LRRC49: variants seen among roughly 807,000 people sequenced by gnomAD.
The protein encoded by LRRC49 is leucine rich repeat containing 49.
Under a neutral mutation model 83.3 loss-of-function variants are expected in LRRC49, and 50 were observed. The ratio of observed to expected loss-of-function variants is 0.60; its 90% CI spans 0.48 to 0.76. The LOEUF is 0.76. LRRC49 is among the 30% of genes least tolerant of loss of function. The pLI is 0.00. For missense variants in LRRC49, 704 were observed against 809.1 expected, an observed-to-expected ratio of 0.87 and a Z score of 1.58; for synonymous variants, 286 against 283.3, an observed-to-expected ratio of 1.01 and a Z score of -0.10.
At chr15:70,993,306 A>G (rs1357373113) in intron 11 of LRRC49, among the ~76,000 whole-genome samples, 2 of 152,186 alleles carry the variant, frequency 1.3e-5, no homozygotes, top group African/African-American at 4.8e-5. Context: ...TAGGAAAGGG[A>G]ATTCCCTGAC....
At chr15:71,038,007 A>G (rs2141299675) in intron 15 of LRRC49, among the ~76,000 whole-genome samples, 1 of 152,264 alleles carries the variant, frequency 6.6e-6, no homozygotes, top group African/African-American at 2.4e-5. Context: ...CAACTTATCT[A>G]CATAACAATA....
intron 1 of LRRC49, among the ~76,000 whole-genome samples, chr15:70,871,603 G>A (rs1177625422): frequency 6.6e-6 from 1 of 151,898 alleles, no homozygotes; most frequent in Non-Finnish European, 1.5e-5. Context: ...CCTGGACGGG[G>A]TGGCTGCCGG....
chr15:71,032,633 T>C (rs1458682940), intron 14 of LRRC49, among the ~76,000 whole-genome samples: 1 of 152,092 alleles, frequency 6.6e-6, no homozygotes, highest in African/African-American at 2.4e-5. Context: ...GCAAACCAAA[T>C]CAAGCATCAC....
chr15:70,894,236 G>A (rs998900151), intron 2 of LRRC49, among the ~76,000 whole-genome samples: 4 of 152,118 alleles, frequency 2.6e-5, no homozygotes, highest in Admixed American at 2.0e-4. Context: ...TCTTAAAATT[G>A]ATGGCATGTC....
chr15:70,998,799 T>G (rs1368809887), intron 11 of LRRC49, among the ~76,000 whole-genome samples: 1 of 152,018 alleles, frequency 6.6e-6, no homozygotes, highest in Admixed American at 6.6e-5. Flanking sequence ...TGTCTGTGCT[T>G]CCGAAACTCC....
At chr15:70,891,165 T>C (rs1399858964), upstream of LRRC49, among the ~76,000 whole-genome samples, 6 of 152,154 alleles carry the variant, frequency 3.9e-5, no homozygotes, top group African/African-American at 1.4e-4. Flanking sequence ...AAGTTTTCTT[T>C]AAAATGGTAC....
chr15:70,984,727 A>C (rs1057171215), intron 11 of LRRC49, among the ~76,000 whole-genome samples: 19 of 150,034 alleles, frequency 1.3e-4, no homozygotes, highest in Non-Finnish European at 2.4e-4. Context: ...GTGCTGCACC[A>C]ATTAACTCGT....
intron 11 of LRRC49, among the ~76,000 whole-genome samples, chr15:70,987,180 C>G (rs897393414): frequency 6.6e-6 from 1 of 151,752 alleles, no homozygotes; most frequent in Admixed American, 6.6e-5. Context: ...CCCTCTTTTT[C>G]TATTGATTGG....
chr15:71,036,184 G>A (rs1316177641), intron 14 of LRRC49, among the ~76,000 whole-genome samples: 1 of 152,006 alleles, frequency 6.6e-6, no homozygotes, highest in East Asian at 1.9e-4. Context: ...CTTTTTGATG[G>A]GGTTGTTTGT....
chr15:70,885,895 A>G (rs946918370), intron 2 of LRRC49, among the ~76,000 whole-genome samples: 16 of 152,206 alleles, frequency 1.1e-4, no homozygotes, highest in Admixed American at 8.5e-4. Context: ...ATTCATCTCA[A>G]GTACATATGG....
chr15:70,985,237 G>A lies in LRRC49; in HGVS notation c.1169+980G>A, dbSNP rs368638968. On this transcript the variant is annotated intron_variant, in intron 11 of 15. Coordinates refer to ENST00000260382, the MANE Select transcript of LRRC49 (RefSeq NM_017691.5). ...TCCACAATGGTTGAACTAGTTTACC[G>A]TCCCACCAACAGTGTAAAAGTGTTC... Among the ~76,000 whole-genome samples, 21 of 150,664 alleles carry A rather than the reference G, an allele frequency of 1.4e-4. No homozygotes were observed. The East Asian group carries it at 2.9e-3, about 21-fold the overall frequency.
chr15:71,013,689 A>T (rs1042537188), intron 14 of LRRC49, among the ~76,000 whole-genome samples: 2 of 152,184 alleles, frequency 1.3e-5, no homozygotes, highest in African/African-American at 4.8e-5. Flanking sequence ...TCAGTTACAG[A>T]TCATACAAGT....
chr15:70,949,285 T>G (rs1448848696), intron 8 of LRRC49, among the ~76,000 whole-genome samples: 1 of 152,178 alleles, frequency 6.6e-6, no homozygotes. Flanking sequence ...TGGACCACAT[T>G]TACAATGGTG....
chr15:70,900,832 G>A, intron 3 of LRRC49, 90 bp from the exon 4 acceptor site: 1 of 722,634 alleles, frequency 1.4e-6, no homozygotes, highest in Non-Finnish European at 2.4e-6. Context: ...AGATATTTAT[G>A]GTGCTAAAAT....
At chr15:70,983,581 G>C (rs1174487646) in intron 10 of LRRC49, among the ~76,000 whole-genome samples, 1 of 151,978 alleles carries the variant, frequency 6.6e-6, no homozygotes, top group East Asian at 1.9e-4. Flanking sequence ...TTAAATTTCA[G>C]ACAGTATAAT....
rs200741885 is a variant in LRRC49, at chr15:70,882,799, G to A, written c.18+9576G>A. On this transcript the variant is annotated intron_variant, in intron 2 of 16. Coordinates refer to the LRRC49 transcript ENST00000544974. ...ACGGGGCCTTTTCAAAGAAATTTGT[G>A]TACTTTTATGCACTGGGCCTTCTTC... The A allele has an allele frequency of 1.1e-4, 181 of 1,614,046 alleles. 1 individual carries two copies. The highest frequency in any genetic ancestry group is 1.3e-4 in the Non-Finnish European group (156 of 1,180,014).
Position 71,030,145 on chromosome 15 carries a change from C to T in LRRC49, c.1704-7034C>T, listed in dbSNP as rs182371291. 2.0e-3 allele frequency among the ~76,000 whole-genome samples: 307 copies of T among 152,254 alleles called. 2 individuals are homozygous for T. Among genetic ancestry groups the T allele is most frequent in the African/African-American group, 7.1e-3 (294 of 41,552 alleles). On this transcript the variant is annotated intron_variant, in intron 14 of 15. Coordinates refer to ENST00000260382, the MANE Select transcript of LRRC49 (RefSeq NM_017691.5). Reference sequence around the variant, plus strand: ...GTCTTTATATTTTGGTATGTTTTTGCAGTGGCTGGTACCAATTTTTCCTTT... The same window carrying T: ...GTCTTTATATTTTGGTATGTTTTTGTAGTGGCTGGTACCAATTTTTCCTTT...
intron 1 of LRRC49, among the ~76,000 whole-genome samples, chr15:70,856,525 T>C (rs547539249): frequency 1.3e-3 from 202 of 152,312 alleles, no homozygotes; most frequent in African/African-American, 4.7e-3. Context: ...ACAGCCACAA[T>C]GTATATATTA....
intron 1 of LRRC49, 180 bp downstream of exon 1, chr15:70,893,122 G>A: frequency 1.5e-6 from 1 of 669,090 alleles, no homozygotes; most frequent in Middle Eastern, 2.5e-4. Flanking sequence ...TTGTATGATG[G>A]GTACTCAAAG....
Sources: allele counts gnomAD v4.1 joint callset (sites outside exome capture counted in the v4.1 genomes callset), GRCh38; gene constraint gnomAD v4.1.1; transcripts MANE v1.5; gene names NCBI Gene and HGNC (gene_info 2026-07-23, HGNC 2026-07-21).